The following CDKN2B-AS1 variants were observed in gnomAD, a reference collection of about 807,000 sequenced individuals.
The protein encoded by CDKN2B-AS1 is CDKN2B antisense RNA 1 (non-protein coding).
intron 4 of CDKN2B-AS1, among the ~76,000 whole-genome samples, chr9:22,109,118 A>G: frequency 6.6e-6 from 1 of 152,204 alleles, no homozygotes; most frequent in Non-Finnish European, 1.5e-5. Context: ...AGAGGCGATC[A>G]TCATTCTTCA....
chr9:22,011,378 G>C (rs184733980), intron 1 of CDKN2B-AS1, among the ~76,000 whole-genome samples: 2 of 152,164 alleles, frequency 1.3e-5, no homozygotes, highest in Admixed American at 6.5e-5. Flanking sequence ...TGTGTACTCT[G>C]TACGAAGTGC....
At chr9:22,098,841 C>G (rs1825381227) in intron 4 of CDKN2B-AS1, among the ~76,000 whole-genome samples, 1 of 152,192 alleles carries the variant, frequency 6.6e-6, no homozygotes, top group African/African-American at 2.4e-5. Flanking sequence ...TCCATTACTA[C>G]AGATGTGTTG....
chr9:22,089,963 G>T (rs889446533), intron 4 of CDKN2B-AS1, among the ~76,000 whole-genome samples: 4 of 148,954 alleles, frequency 2.7e-5, no homozygotes, highest in African/African-American at 7.5e-5. Flanking sequence ...ATCTCCTAAT[G>T]CTATCCCTCC....
chr9:22,094,490 C>T (rs1174137587), intron 4 of CDKN2B-AS1, among the ~76,000 whole-genome samples: 1 of 144,510 alleles, frequency 6.9e-6, no homozygotes. Context: ...CACATAGTCC[C>T]ATATTTCTTG....
At chr9:22,072,060 T>C (rs1824317514) in intron 4 of CDKN2B-AS1, among the ~76,000 whole-genome samples, 1 of 152,188 alleles carries the variant, frequency 6.6e-6, no homozygotes, top group African/African-American at 2.4e-5. Flanking sequence ...TGCAGGTGGA[T>C]TAAGAACTAA....
intron 4 of CDKN2B-AS1, among the ~76,000 whole-genome samples, chr9:22,112,634 T>C (rs1180917413): frequency 1.3e-5 from 2 of 152,204 alleles, no homozygotes; most frequent in Non-Finnish European, 2.9e-5. Context: ...AAAACAATAA[T>C]TCTTCACTAT....
intron 4 of CDKN2B-AS1, among the ~76,000 whole-genome samples, chr9:22,074,789 T>C (rs1406413740): frequency 2.6e-5 from 4 of 152,204 alleles, no homozygotes; most frequent in African/African-American, 9.6e-5. Flanking sequence ...AGTGAAAGCC[T>C]TTGTTCTGGA....
At chr9:22,088,090 C>T (rs572765084) in intron 4 of CDKN2B-AS1, among the ~76,000 whole-genome samples, 1 of 152,212 alleles carries the variant, frequency 6.6e-6, no homozygotes, top group South Asian at 2.1e-4. Flanking sequence ...AAATGTCATG[C>T]AGTGACTTCT....
intron 1 of CDKN2B-AS1, among the ~76,000 whole-genome samples, chr9:22,023,731 G>A (rs529520261): frequency 5.3e-5 from 8 of 152,284 alleles, no homozygotes; most frequent in African/African-American, 1.9e-4. Context: ...TGAGTTGAGA[G>A]TCCGTATCAA....
chr9:22,063,256 C>T (rs975520616), intron 4 of CDKN2B-AS1, among the ~76,000 whole-genome samples: 2 of 152,042 alleles, frequency 1.3e-5, no homozygotes, highest in African/African-American at 2.4e-5. Context: ...TTAGTGTCCT[C>T]ATAGAGGGGA....
chr9:22,054,352 G>T (rs1158875454), intron 3 of CDKN2B-AS1, among the ~76,000 whole-genome samples: 2 of 152,172 alleles, frequency 1.3e-5, no homozygotes, highest in African/African-American at 4.8e-5. Context: ...CATAGGAGGT[G>T]CTCAGTTAGT....
chr9:22,040,609 G>A (rs534596694), intron 1 of CDKN2B-AS1, among the ~76,000 whole-genome samples: 1 of 151,942 alleles, frequency 6.6e-6, no homozygotes, highest in African/African-American at 2.4e-5. Context: ...TCCATCTTCT[G>A]AGGAATGAAC....
intron 1 of CDKN2B-AS1, chr9:22,008,956 C>T (rs1821345592): frequency 6.2e-7 from 1 of 1,612,988 alleles, no homozygotes; most frequent in Non-Finnish European, 8.5e-7. Context: ...TCGCGCATTC[C>T]GCAGCCCCCA....
chr9:22,026,050 A>T (rs1042954800), intron 1 of CDKN2B-AS1, among the ~76,000 whole-genome samples: 1 of 151,796 alleles, frequency 6.6e-6, no homozygotes, highest in South Asian at 2.1e-4. Flanking sequence ...CCCAGATGGG[A>T]GACTCTACCC....
At chr9:22,126,697 C>G (rs767957144) in intron 4 of CDKN2B-AS1, among the ~76,000 whole-genome samples, 4 of 151,684 alleles carry the variant, frequency 2.6e-5, no homozygotes, top group African/African-American at 9.7e-5. Flanking sequence ...CTCAGCCTCC[C>G]GAGTAGCTGG....
chr9:22,094,864 A>G (rs1411643033), intron 4 of CDKN2B-AS1, among the ~76,000 whole-genome samples: 1 of 143,970 alleles, frequency 6.9e-6, no homozygotes, highest in South Asian at 2.1e-4. Flanking sequence ...GAGGAGCTGC[A>G]TTCCTTTGGA....
intron 1 of CDKN2B-AS1, among the ~76,000 whole-genome samples, chr9:22,018,027 G>A (rs1821850738): frequency 6.6e-6 from 1 of 152,192 alleles, no homozygotes. Context: ...GTGAGGTATT[G>A]AGATAGATGA....
chr9:22,056,771 A>G (rs991930404), intron 4 of CDKN2B-AS1, among the ~76,000 whole-genome samples: 27 of 152,186 alleles, frequency 1.8e-4, no homozygotes, highest in African/African-American at 6.5e-4. Flanking sequence ...TGACCTCTAA[A>G]CCAGTAATTT....
At chr9:22,020,460 C>G (rs1407143794) in intron 1 of CDKN2B-AS1, among the ~76,000 whole-genome samples, 1 of 152,080 alleles carries the variant, frequency 6.6e-6, no homozygotes, top group Non-Finnish European at 1.5e-5. Context: ...CGCACAGTCC[C>G]CCACAATGGT....
Sources: allele counts gnomAD v4.1 joint callset (sites outside exome capture counted in the v4.1 genomes callset), GRCh38; gene constraint gnomAD v4.1.1; transcripts MANE v1.5; gene names NCBI Gene and HGNC (gene_info 2026-07-23, HGNC 2026-07-21).